Variants in CCBE1 observed in about 807,000 individuals in gnomAD.
CCBE1 encodes collagen and calcium binding EGF domains 1, also known as collagen and calcium-binding EGF domain-containing protein 1.
Under a neutral mutation model 50.0 loss-of-function variants are expected in CCBE1, and 37 were observed. That is an observed-to-expected ratio of 0.74 (90% CI 0.57 to 0.97). CCBE1 has a LOEUF of 0.97. Among genes scored for constraint, CCBE1 ranks in the 50% least tolerant of loss-of-function variants. The pLI, the probability that CCBE1 is intolerant of heterozygous loss-of-function variation, is 0.00. For missense variants in CCBE1, 538 were observed against 523.8 expected, an observed-to-expected ratio of 1.03 and a Z score of -0.26; for synonymous variants, 234 against 203.7, an observed-to-expected ratio of 1.15 and a Z score of -1.27.
At chr18:59,526,285 G>A (rs1469027562) in intron 2 of CCBE1, among the ~76,000 whole-genome samples, 1 of 148,458 alleles carries the variant, frequency 6.7e-6, no homozygotes, top group Non-Finnish European at 1.5e-5. Context: ...TCTTTTAGTT[G>A]TGATGTTAGG....
At position 59,435,818 on chromosome 18, in the gene CCBE1, AGGTCTCCAGT is replaced by A; in HGVS notation, c.*80_*89del. ...GAGAAGAGAAAAATGTATGTTTTCTAGGTCTCCAGTGGTCTTTCTTCTCTTTAGATGGTTT... is the reference window on the plus strand; with the variant it reads ...GAGAAGAGAAAAATGTATGTTTTCTAGGTCTTTCTTCTCTTTAGATGGTTT... On this transcript the variant is annotated 3_prime_UTR_variant, in exon 11 of 11. Transcript: ENST00000439986. The A allele has an allele frequency of 9.1e-7, 1 of 1,099,282 alleles. No individual in the cohort carries two copies. The highest frequency in any genetic ancestry group is 1.5e-5 in the African/African-American group (1 of 64,660). 68.1% of individuals were successfully genotyped at this position (1,099,282 alleles called of 1,614,324 possible).
intron 2 of CCBE1, among the ~76,000 whole-genome samples, chr18:59,533,156 A>C (rs564622845): frequency 3.3e-5 from 5 of 152,360 alleles, no homozygotes; most frequent in Non-Finnish European, 7.3e-5. Flanking sequence ...AAATCTTTAG[A>C]AACAAAACAA....
chr18:59,622,170 T>G (rs1220848085), intron 2 of CCBE1, among the ~76,000 whole-genome samples: 1 of 152,142 alleles, frequency 6.6e-6, no homozygotes, highest in Non-Finnish European at 1.5e-5. Flanking sequence ...ACAAGGGTGT[T>G]CAAGAGGACC....
intron 2 of CCBE1, among the ~76,000 whole-genome samples, chr18:59,557,844 C>T (rs757182802): frequency 6.6e-6 from 1 of 152,194 alleles, no homozygotes. Flanking sequence ...TTGTCCAATT[C>T]TTTGTTCAAA....
intron 2 of CCBE1, among the ~76,000 whole-genome samples, chr18:59,498,536 C>T (rs1913463956): frequency 6.6e-6 from 1 of 152,196 alleles, no homozygotes; most frequent in African/African-American, 2.4e-5. Flanking sequence ...GAATTATTTA[C>T]TGGTAACCTT....
At chr18:59,527,691 C>A (rs1215893653) in intron 2 of CCBE1, among the ~76,000 whole-genome samples, 5 of 152,204 alleles carry the variant, frequency 3.3e-5, no homozygotes, top group Non-Finnish European at 7.3e-5. Flanking sequence ...GTGACAAATT[C>A]TCTCAGGATT....
rs1265314505 is a variant in CCBE1 at position 59,431,688 on chromosome 18, G to T, written c.*4220C>A. On this transcript the variant is annotated 3_prime_UTR_variant, in exon 11 of 11. Coordinates refer to ENST00000439986, the MANE Select transcript of CCBE1 (RefSeq NM_133459.4). ...GGTGCTCTTCGCTGGTATTTGGTGG[G>T]GTAATACTCACCTTTCCTTCCTTCC... 1 of 152,194 alleles carries T rather than the reference G, an allele frequency of 6.6e-6. No individual in the cohort carries two copies. The highest frequency in any genetic ancestry group is 6.5e-5 in the Admixed American group (1 of 15,280). 9.4% of individuals were successfully genotyped at this position (152,194 alleles called of 1,614,324 possible).
chr18:59,520,061 T>C (rs1191682333), intron 2 of CCBE1, among the ~76,000 whole-genome samples: 1 of 152,186 alleles, frequency 6.6e-6, no homozygotes, highest in East Asian at 1.9e-4. Context: ...TACCATGCTG[T>C]TTTGGTTACT....
chr18:59,632,771 GTTTTA>G (rs3072520), intron 2 of CCBE1, among the ~76,000 whole-genome samples: 5 of 150,364 alleles, frequency 3.3e-5, no homozygotes, highest in Admixed American at 3.3e-4. Flanking sequence ...TATTTTATTT[GTTTTA>G]TTTTATTTTT....
At chr18:59,575,856 T>C (rs1366700745) in intron 2 of CCBE1, among the ~76,000 whole-genome samples, 1 of 152,202 alleles carries the variant, frequency 6.6e-6, no homozygotes, top group African/African-American at 2.4e-5. Flanking sequence ...TTTGCATAGA[T>C]GGAGTTCTGC....
intron 2 of CCBE1, among the ~76,000 whole-genome samples, chr18:59,485,755 C>T (rs12956178): frequency 0.022 from 3,300 of 151,994 alleles, 134 homozygotes; most frequent in East Asian, 0.2. Flanking sequence ...GGATTACAGG[C>T]GCCTGCCACC....
intron 2 of CCBE1, among the ~76,000 whole-genome samples, chr18:59,653,445 CAT>C (rs1325983888): frequency 2.6e-5 from 4 of 152,226 alleles, no homozygotes; most frequent in African/African-American, 9.6e-5. Flanking sequence ...AGACAAAAAT[CAT>C]AAACAAATCA....
intron 2 of CCBE1, among the ~76,000 whole-genome samples, chr18:59,501,987 C>T (rs913333049): frequency 6.6e-6 from 1 of 152,162 alleles, no homozygotes; most frequent in African/African-American, 2.4e-5. Flanking sequence ...TTAGCACAGA[C>T]AGCGTCTCCA....
intron 2 of CCBE1, among the ~76,000 whole-genome samples, chr18:59,686,986 C>CTG (rs60978736): frequency 5.2e-5 from 3 of 57,580 alleles, no homozygotes; most frequent in Non-Finnish European, 1.2e-4. Context: ...TTATCGTCTG[C>CTG]TCTCATACAA....
intron 7 of CCBE1, among the ~76,000 whole-genome samples, chr18:59,443,425 G>A (rs1185105316): frequency 1.3e-5 from 2 of 151,758 alleles, no homozygotes; most frequent in African/African-American, 4.8e-5. Flanking sequence ...GGCCTGACAA[G>A]CATTTTTAAA....
At chr18:59,499,524 G>C (rs1385840830) in intron 2 of CCBE1, among the ~76,000 whole-genome samples, 2 of 152,212 alleles carry the variant, frequency 1.3e-5, no homozygotes, top group Non-Finnish European at 2.9e-5. Flanking sequence ...AGCAAGTCAT[G>C]TCTTACATGG....
At chr18:59,567,961 C>G (rs956420523) in intron 2 of CCBE1, among the ~76,000 whole-genome samples, 1 of 152,110 alleles carries the variant, frequency 6.6e-6, no homozygotes, top group African/African-American at 2.4e-5. Flanking sequence ...TGTTTTTGAA[C>G]TTTCTTCTTG....
chr18:59,573,347 A>G (rs972193166), intron 2 of CCBE1, among the ~76,000 whole-genome samples: 1 of 146,200 alleles, frequency 6.8e-6, no homozygotes, highest in Non-Finnish European at 1.5e-5. Context: ...AGACCTTAAG[A>G]GCAAACACTG....
chr18:59,561,963 C>G (rs62092933), intron 2 of CCBE1, among the ~76,000 whole-genome samples: 13,283 of 152,184 alleles, frequency 0.087, 1,108 homozygotes, highest in East Asian at 0.39. Flanking sequence ...CTGAGGTGTT[C>G]TTTCTGCTCA....
Sources: allele counts gnomAD v4.1 joint callset (sites outside exome capture counted in the v4.1 genomes callset), GRCh38; gene constraint gnomAD v4.1.1; transcripts MANE v1.5; gene names NCBI Gene and HGNC (gene_info 2026-07-23, HGNC 2026-07-21).